The following EFTUD2 variants were observed in gnomAD, a reference collection of about 807,000 sequenced individuals.
EFTUD2 encodes the protein elongation factor Tu GTP binding domain containing 2.
EFTUD2 carries 9 observed loss-of-function variants against 114.3 expected under a neutral mutation model. That is an observed-to-expected ratio of 0.08 (90% CI 0.05 to 0.14). EFTUD2 has a LOEUF of 0.14. Among genes scored for constraint, EFTUD2 ranks in the 10% least tolerant of loss-of-function variants. The pLI, the probability that EFTUD2 is intolerant of heterozygous loss-of-function variation, is 1.00. For synonymous variants in EFTUD2, 449 were observed against 462.3 expected (o/e 0.97, Z 0.37); for missense variants, 765 against 1,241.2 (o/e 0.62, Z 5.76).
chr17:44,894,113 T>A (rs2051332858), intron 2 of EFTUD2: 3 of 255,430 alleles, frequency 1.2e-5, no homozygotes, highest in Non-Finnish European at 2.2e-5. Flanking sequence ...TGGTGGCTCA[T>A]GCCTGTAATC....
At chr17:44,875,479 G>A (rs887720486) in intron 10 of EFTUD2, among the ~76,000 whole-genome samples, 6 of 152,076 alleles carry the variant, frequency 3.9e-5, no homozygotes, top group Admixed American at 6.6e-5. Context: ...GCAGTGAGCC[G>A]AGATCATGCC....
chr17:44,850,506 C>G lies in EFTUD2; in HGVS notation c.*768G>C. 3 of 783,166 alleles carry G rather than the reference C, an allele frequency of 3.8e-6. No homozygotes were observed. Among genetic ancestry groups the G allele is most frequent in the African/African-American group, 1.7e-5 (1 of 59,128 alleles). 48.5% of individuals were successfully genotyped at this position (783,166 alleles called of 1,614,324 possible). A position where few individuals can be genotyped will look rare whatever the true frequency, so the allele number is the denominator to read the frequency against. On this transcript the variant is annotated 3_prime_UTR_variant, in exon 28 of 28. Transcript: ENST00000426333. The stretch of plus-strand genomic sequence containing the variant: ...CAGACTCTTTTTCACTGGGGGAGAA[C>G]AGAGTAAGGGACTGGTGGTAGCTGG...
intron 9 of EFTUD2, among the ~76,000 whole-genome samples, chr17:44,878,091 G>A (rs117674962): frequency 0.051 from 7,767 of 152,104 alleles, 354 homozygotes; most frequent in South Asian, 0.17. Context: ...AACTGAGATC[G>A]CACCACTTCA....
At chr17:44,870,904 G>C (rs1303706251) in intron 11 of EFTUD2, among the ~76,000 whole-genome samples, 1 of 152,126 alleles carries the variant, frequency 6.6e-6, no homozygotes, top group East Asian at 1.9e-4. Context: ...TGTAATCCCA[G>C]CTACTCAGGA....
intron 16 of EFTUD2, 38 bp from the exon 17 acceptor site, chr17:44,860,581 C>A: frequency 8.3e-7 from 1 of 1,211,886 alleles, no homozygotes; most frequent in Non-Finnish European, 1.2e-6. Context: ...GAAACTTAGG[C>A]AGAGCATTCC....
At chr17:44,861,969 G>A (rs17628000) in intron 16 of EFTUD2, among the ~76,000 whole-genome samples, 8,558 of 152,242 alleles carry the variant, frequency 0.056, 306 homozygotes, top group Non-Finnish European at 0.082. Flanking sequence ...GGGATCCAGC[G>A]AAGCCTTCTC....
intron 14 of EFTUD2, 58 bp downstream of exon 14, chr17:44,864,872 G>T: frequency 2.5e-6 from 4 of 1,581,320 alleles, no homozygotes; most frequent in Non-Finnish European, 3.4e-6. Context: ...AAATTGCTGT[G>T]ATACCTGTGG....
chr17:44,883,056 T>C (rs1259993475), intron 6 of EFTUD2, 37 bp downstream of exon 6: 4 of 1,604,374 alleles, frequency 2.5e-6, no homozygotes, highest in Middle Eastern at 3.3e-4. Context: ...CTGTTCTGAA[T>C]GGTTCATCCT....
chr17:44,865,943 T>C (rs1427451522), intron 13 of EFTUD2, among the ~76,000 whole-genome samples: 1 of 151,872 alleles, frequency 6.6e-6, no homozygotes, highest in Non-Finnish European at 1.5e-5. Context: ...CCCCAAGTAG[T>C]TGGGACCACA....
At chr17:44,882,770 A>T (rs1487649836) in intron 6 of EFTUD2, among the ~76,000 whole-genome samples, 1 of 152,226 alleles carries the variant, frequency 6.6e-6, no homozygotes, top group Non-Finnish European at 1.5e-5. Context: ...AAAACCAGGT[A>T]CAATTGTACC....
intron 4 of EFTUD2, 138 bp from the exon 5 acceptor site, chr17:44,883,862 T>A: frequency 1.4e-6 from 1 of 723,388 alleles, no homozygotes; most frequent in South Asian, 1.5e-5. Context: ...GATGTGAATG[T>A]CTATACTTAC....
chr17:44,878,006 T>C (rs973726363), intron 9 of EFTUD2, among the ~76,000 whole-genome samples: 1 of 151,330 alleles, frequency 6.6e-6, no homozygotes, highest in Non-Finnish European at 1.5e-5. Flanking sequence ...TGTGGTGGCG[T>C]GCACCTGTAA....
intron 11 of EFTUD2, among the ~76,000 whole-genome samples, chr17:44,870,815 C>T (rs561327616): frequency 1.3e-5 from 2 of 152,070 alleles, no homozygotes; most frequent in South Asian, 2.1e-4. Flanking sequence ...GTCAGGAGTT[C>T]GAGACCAGCC....
At chr17:44,895,723 A>G (rs1297019508) in intron 1 of EFTUD2, 1 of 152,210 alleles carries the variant, frequency 6.6e-6, no homozygotes, top group Non-Finnish European at 1.5e-5. Context: ...CATAACCACA[A>G]TACAACCATC....
chr17:44,894,087 A>T, intron 2 of EFTUD2: 1 of 206,698 alleles, frequency 4.8e-6, no homozygotes, highest in Non-Finnish European at 9.6e-6. Flanking sequence ...AAAAAGAAAA[A>T]AGAGGGGGCT....
intron 10 of EFTUD2, among the ~76,000 whole-genome samples, chr17:44,874,231 C>A (rs1400144572): frequency 6.6e-6 from 1 of 151,244 alleles, no homozygotes. Flanking sequence ...TTTTTGTAGA[C>A]ACAGAGTCTA....
At chr17:44,875,354 C>G (rs980206687) in intron 10 of EFTUD2, among the ~76,000 whole-genome samples, 5 of 152,030 alleles carry the variant, frequency 3.3e-5, no homozygotes, top group Non-Finnish European at 5.9e-5. Flanking sequence ...CACAGTGAAA[C>G]CCTGTCTCTA....
chr17:44,894,485 T>C lies in EFTUD2; in HGVS notation c.37A>G (p.Ile13Val). 2 of 1,614,154 alleles carry C rather than the reference T, an allele frequency of 1.2e-6. No individual in the cohort carries two copies. Among genetic ancestry groups the C allele is most frequent in the South Asian group, 2.2e-5 (2 of 91,074 alleles). Residue 13 changes from isoleucine to valine, a missense_variant, in exon 2 of 28, where the codon ATT becomes GTT. Ile to Val is a conservative substitution (Grantham distance 29). Coordinates refer to ENST00000426333, the MANE Select transcript of EFTUD2 (RefSeq NM_004247.4). ...TDLYDEFGNY[I>V]GPELDSDEDD... is the part of the protein sequence containing the mutation. ...TCATCAGAATCAAGCTCTGGTCCAA[T>C]ATAATTCCCAAACTCATCATATAAG...
chr17:44,881,597 G>T, intron 7 of EFTUD2, 90 bp downstream of exon 7: 1 of 1,349,784 alleles, frequency 7.4e-7, no homozygotes, highest in East Asian at 2.3e-5. Flanking sequence ...GAACTAAAAT[G>T]CTATCATAAA....
Sources: gnomAD v4.1 joint callset for allele counts (sites outside exome capture counted in the v4.1 genomes callset) on GRCh38, gnomAD v4.1.1 for gene constraint, MANE v1.5 for transcripts, NCBI Gene and HGNC (gene_info 2026-07-23, HGNC 2026-07-21) for gene names.